SCARA5: variants seen among roughly 807,000 people sequenced by gnomAD.
SCARA5 encodes the protein scavenger receptor class A, member 5 (putative).
SCARA5 carries 45 observed loss-of-function variants against 46.3 expected under a neutral mutation model. That is an observed-to-expected ratio of 0.97 (90% CI 0.76 to 1.24). The LOEUF (loss-of-function observed/expected upper bound fraction) is 1.24. SCARA5 is among the 50% of genes most tolerant of loss of function. SCARA5 has a pLI of 0.00. For missense variants in SCARA5, 680 were observed against 689.0 expected (o/e 0.99, Z 0.15); for synonymous variants, 333 against 306.5 (o/e 1.09, Z -0.90).
rs186307006 is a variant in SCARA5, at chr8:27,933,227, A to G, written c.242-10982T>C. ...TATTAGACAGTGACAAGTGGTTAGA[A>G]CAGGGCAGATTCAGCTGGGCACAGT... On this transcript the variant is annotated intron_variant, in intron 3 of 8. Coordinates refer to ENST00000354914, the MANE Select transcript of SCARA5 (RefSeq NM_173833.6). Among the ~76,000 whole-genome samples, 151 of 152,284 alleles carry G rather than the reference A, an allele frequency of 9.9e-4. 1 individual carries two copies. The highest frequency in any genetic ancestry group is 3.4e-3 in the African/African-American group (140 of 41,566).
chr8:27,989,598 C>T (rs955012429), intron 1 of SCARA5, among the ~76,000 whole-genome samples: 7 of 152,198 alleles, frequency 4.6e-5, no homozygotes, highest in Admixed American at 4.6e-4. Flanking sequence ...GGCACACACA[C>T]GCATGTGCAC....
At chr8:27,918,793 AG>A (rs1807519327) in intron 4 of SCARA5, among the ~76,000 whole-genome samples, 1 of 62,372 alleles carries the variant, frequency 1.6e-5, no homozygotes, top group African/African-American at 6.5e-5. Flanking sequence ...AAGAGGAGAA[AG>A]AGGAGGAGGA....
chr8:27,895,074 C>T (rs2129717185), intron 7 of SCARA5, among the ~76,000 whole-genome samples: 1 of 152,294 alleles, frequency 6.6e-6, no homozygotes, highest in Admixed American at 6.5e-5. Context: ...ATTGCAGCTC[C>T]TTTATGTTTG....
chr8:27,934,298 G>T (rs1807822285), intron 3 of SCARA5, among the ~76,000 whole-genome samples: 1 of 152,178 alleles, frequency 6.6e-6, no homozygotes, highest in African/African-American at 2.4e-5. Flanking sequence ...GAAGAAAATT[G>T]CCCACTTCAG....
intron 2 of SCARA5, among the ~76,000 whole-genome samples, chr8:27,987,105 C>T (rs9650427): frequency 0.47 from 71,476 of 152,054 alleles, 17,776 homozygotes; most frequent in African/African-American, 0.61. Flanking sequence ...TTGCCCCTCA[C>T]GAGTGCTTCA....
chr8:27,874,731 G>T (rs946671321), intron 8 of SCARA5, among the ~76,000 whole-genome samples: 2 of 152,142 alleles, frequency 1.3e-5, no homozygotes, highest in Non-Finnish European at 2.9e-5. Flanking sequence ...AGACGTGAAC[G>T]CTCCTAATTT....
chr8:27,871,569 C>A lies in SCARA5; in HGVS notation c.*365G>T. ...ACTACCAACCATCGCTGCTGCTGCA[C>A]TTGTCTCTGACACATTCTCAGCATT... On this transcript the variant is annotated 3_prime_UTR_variant, in exon 9 of 9. Transcript: ENST00000354914. 1 of 1,102,332 alleles carries A rather than the reference C, an allele frequency of 9.1e-7. No homozygotes were observed. Among genetic ancestry groups the A allele is most frequent in the Non-Finnish European group, 1.1e-6 (1 of 901,122 alleles). The allele number at this position is 1,102,332 out of a possible 1,614,324, so 68.3% of individuals were successfully genotyped here.
intron 4 of SCARA5, among the ~76,000 whole-genome samples, chr8:27,919,771 T>C (rs1403380290): frequency 6.6e-6 from 1 of 151,620 alleles, no homozygotes; most frequent in African/African-American, 2.4e-5. Context: ...GGGCAAGCTA[T>C]GGAAGCTTCC....
Position 27,908,194 on chromosome 8 carries a change from G to GA in SCARA5, c.998-949dup, listed in dbSNP as rs376092430. Among the ~76,000 whole-genome samples, 117 of 151,888 alleles carry GA rather than the reference G, an allele frequency of 7.7e-4. No homozygotes were observed. The Middle Eastern group carries it at 0.014, about 18-fold the overall frequency. On this transcript the variant is annotated intron_variant, in intron 5 of 8. Transcript: ENST00000354914. ...AAAGTAGCTTCTCGTTTTATTTAAG[G>GA]AAAAAAAACACAAAAAGATCCCTTC...
rs12679721 is a variant in SCARA5 at position 27,871,776 on chromosome 8, C to T, written c.*158G>A. ...GAGCACATGTTCAAGAGGGAAATGA[C>T]GACCGGCCCCCACGGTCCTGGGATG... On this transcript the variant is annotated 3_prime_UTR_variant, in exon 9 of 9. Transcript: ENST00000354914. 0.12 allele frequency: 180,757 copies of T among 1,463,898 alleles called. 11,950 individuals are homozygous for T. Among genetic ancestry groups the T allele is most frequent in the East Asian group, 0.22 (8,892 of 40,760 alleles). 90.7% of individuals were successfully genotyped at this position (1,463,898 alleles called of 1,614,324 possible).
chr8:27,981,346 G>C (rs933190128), intron 2 of SCARA5, among the ~76,000 whole-genome samples: 2 of 152,212 alleles, frequency 1.3e-5, no homozygotes, highest in African/African-American at 2.4e-5. Context: ...GGGCCCAAAG[G>C]GTCAGGGATG....
At chr8:27,914,080 T>C (rs1273457796) in intron 4 of SCARA5, among the ~76,000 whole-genome samples, 1 of 152,204 alleles carries the variant, frequency 6.6e-6, no homozygotes, top group Non-Finnish European at 1.5e-5. Flanking sequence ...GGGGTGGGTC[T>C]TTCCCTTGCT....
At chr8:27,916,992 C>T (rs1437475228) in intron 4 of SCARA5, among the ~76,000 whole-genome samples, 1 of 152,164 alleles carries the variant, frequency 6.6e-6, no homozygotes, top group African/African-American at 2.4e-5. Flanking sequence ...GCTGCCCCAT[C>T]CCTCCCACCA....
At chr8:27,962,410 T>C (rs990844586) in intron 3 of SCARA5, among the ~76,000 whole-genome samples, 3 of 152,340 alleles carry the variant, frequency 2.0e-5, no homozygotes, top group Admixed American at 6.5e-5. Flanking sequence ...GAGTACAGCA[T>C]TGTGTAATGC....
At chr8:27,941,879 G>A (rs945675889) in intron 3 of SCARA5, among the ~76,000 whole-genome samples, 23 of 150,812 alleles carry the variant, frequency 1.5e-4, no homozygotes, top group African/African-American at 5.6e-4. Flanking sequence ...CAGGCTGGAG[G>A]GCAGTGATGT....
chr8:27,879,526 T>C, intron 8 of SCARA5, 43 bp downstream of exon 8: 2 of 1,577,844 alleles, frequency 1.3e-6, no homozygotes, highest in South Asian at 2.2e-5. Context: ...TCCTAGGATG[T>C]GCAGGCCCTC....
At chr8:27,874,906 G>A (rs1806698157) in intron 8 of SCARA5, among the ~76,000 whole-genome samples, 1 of 152,046 alleles carries the variant, frequency 6.6e-6, no homozygotes, top group Non-Finnish European at 1.5e-5. Flanking sequence ...CTCGCCATTT[G>A]CATCACTCCA....
At chr8:27,872,631 G>A (rs1327119175) in intron 8 of SCARA5, among the ~76,000 whole-genome samples, 1 of 152,208 alleles carries the variant, frequency 6.6e-6, no homozygotes, top group African/African-American at 2.4e-5. Context: ...TCCTGGCCTG[G>A]ATAGCTGTAG....
intron 8 of SCARA5, among the ~76,000 whole-genome samples, chr8:27,872,591 C>G (rs994530778): frequency 2.6e-5 from 4 of 152,214 alleles, no homozygotes; most frequent in African/African-American, 4.8e-5. Context: ...CCGCCACCTC[C>G]TTGGATGTTG....
Sources: allele counts gnomAD v4.1 joint callset (sites outside exome capture counted in the v4.1 genomes callset), GRCh38; gene constraint gnomAD v4.1.1; transcripts MANE v1.5; gene names NCBI Gene and HGNC (gene_info 2026-07-23, HGNC 2026-07-21).